Variants in ENTREP2 observed in about 807,000 individuals in gnomAD.
ENTREP2 encodes the protein protein ENTREP2.
At chr15:29,179,209 T>C in the ENTREP2 span, among the ~76,000 whole-genome samples, 1 of 152,226 alleles carries the variant, frequency 6.6e-6, no homozygotes, top group Non-Finnish European at 1.5e-5. Flanking sequence ...AAGTAAATAG[T>C]ATGAATATTC....
chr15:29,603,693 C>T, the ENTREP2 span, among the ~76,000 whole-genome samples: 1 of 152,124 alleles, frequency 6.6e-6, no homozygotes, highest in African/African-American at 2.4e-5. Context: ...GGCCAGAGTG[C>T]AATGGCATGA....
chr15:29,371,053 GTCA>G, the ENTREP2 span, among the ~76,000 whole-genome samples: 2 of 150,424 alleles, frequency 1.3e-5, no homozygotes, highest in African/African-American at 5.0e-5. Flanking sequence ...ATCATCATCT[GTCA>G]TCATCATCAT....
At chr15:29,147,200 A>C in the ENTREP2 span, among the ~76,000 whole-genome samples, 1 of 152,248 alleles carries the variant, frequency 6.6e-6, no homozygotes, top group African/African-American at 2.4e-5. Context: ...CAGTAATAAA[A>C]AGACAAATAA....
At chr15:29,370,062 C>G in the ENTREP2 span, among the ~76,000 whole-genome samples, 3 of 152,146 alleles carry the variant, frequency 2.0e-5, no homozygotes, top group Non-Finnish European at 2.9e-5. Flanking sequence ...ATTACCCAAT[C>G]TCAGATATTC....
At chr15:29,451,073 T>C in the ENTREP2 span, among the ~76,000 whole-genome samples, 1 of 152,010 alleles carries the variant, frequency 6.6e-6, no homozygotes, top group Non-Finnish European at 1.5e-5. Flanking sequence ...TTTACCTGTA[T>C]AACAAACCTG....
At chr15:29,635,477 G>T in the ENTREP2 span, among the ~76,000 whole-genome samples, 1 of 152,300 alleles carries the variant, frequency 6.6e-6, no homozygotes, top group Middle Eastern at 3.4e-3. Context: ...ACTGTAGGGC[G>T]GGATGTGCAC....
chr15:29,226,470 C>G, the ENTREP2 span, among the ~76,000 whole-genome samples: 1 of 152,234 alleles, frequency 6.6e-6, no homozygotes, highest in Non-Finnish European at 1.5e-5. Flanking sequence ...CTAAATTTCT[C>G]ATGAAGCCAA....
chr15:29,642,170 T>C, the ENTREP2 span, among the ~76,000 whole-genome samples: 7,037 of 152,096 alleles, frequency 0.046, 184 homozygotes, highest in South Asian at 0.065. Context: ...CCCAAAATAG[T>C]AAAAAAGAAA....
the ENTREP2 span, among the ~76,000 whole-genome samples, chr15:29,664,531 C>T: frequency 6.6e-6 from 1 of 151,826 alleles, no homozygotes; most frequent in Non-Finnish European, 1.5e-5. Flanking sequence ...ACTCGGAAGC[C>T]GCGTGTGGAA....
At chr15:29,625,561 A>C in the ENTREP2 span, among the ~76,000 whole-genome samples, 1 of 151,742 alleles carries the variant, frequency 6.6e-6, no homozygotes, top group African/African-American at 2.4e-5. Context: ...ACACCTGGCT[A>C]ATTTTTGTAT....
chr15:29,398,885 C>G, the ENTREP2 span, among the ~76,000 whole-genome samples: 103 of 152,198 alleles, frequency 6.8e-4, no homozygotes, highest in Non-Finnish European at 1.2e-3. Context: ...GATTAGGTTA[C>G]GCTGCCTGAC....
At chr15:29,445,134 T>G in the ENTREP2 span, among the ~76,000 whole-genome samples, 1 of 152,122 alleles carries the variant, frequency 6.6e-6, no homozygotes, top group African/African-American at 2.4e-5. Context: ...TATTAGGAGG[T>G]GGAGCTTTTG....
the ENTREP2 span, among the ~76,000 whole-genome samples, chr15:29,210,247 G>T: frequency 6.6e-6 from 1 of 152,210 alleles, no homozygotes; most frequent in African/African-American, 2.4e-5. Context: ...AGACAACTGG[G>T]GGCTACTCCT....
At chr15:29,461,473 C>T in the ENTREP2 span, among the ~76,000 whole-genome samples, 1 of 151,876 alleles carries the variant, frequency 6.6e-6, no homozygotes, top group Non-Finnish European at 1.5e-5. Flanking sequence ...CCATTTTCAC[C>T]AGTTTTTTAT....
At chr15:29,534,039 CAGAA>C in the ENTREP2 span, among the ~76,000 whole-genome samples, 3 of 137,658 alleles carry the variant, frequency 2.2e-5, no homozygotes, top group South Asian at 7.0e-4. Flanking sequence ...ATGTGACCCA[CAGAA>C]AGAGTGTCAT....
chr15:29,196,218 GGCAAAAAT>G, the ENTREP2 span, among the ~76,000 whole-genome samples: 1 of 152,058 alleles, frequency 6.6e-6, no homozygotes, highest in Non-Finnish European at 1.5e-5. Flanking sequence ...ACAATGAAAT[GGCAAAAAT>G]GCAAAGTGAG....
the ENTREP2 span, among the ~76,000 whole-genome samples, chr15:29,622,862 C>T: frequency 8.5e-5 from 13 of 152,306 alleles, no homozygotes; most frequent in East Asian, 2.5e-3. Context: ...ACGAGTCCTT[C>T]CAGATGGCAG....
the ENTREP2 span, among the ~76,000 whole-genome samples, chr15:29,450,215 G>C: frequency 6.6e-6 from 1 of 152,076 alleles, no homozygotes; most frequent in South Asian, 2.1e-4. Context: ...TTTCTCTATT[G>C]ATAGTTTCTT....
the ENTREP2 span, among the ~76,000 whole-genome samples, chr15:29,324,673 C>T: frequency 6.6e-6 from 1 of 152,196 alleles, no homozygotes; most frequent in African/African-American, 2.4e-5. Flanking sequence ...TACGAGCATC[C>T]ATAGTGATAT....
Sources: allele counts gnomAD v4.1 joint callset (sites outside exome capture counted in the v4.1 genomes callset), GRCh38; gene constraint gnomAD v4.1.1; transcripts MANE v1.5; gene names NCBI Gene and HGNC (gene_info 2026-07-23, HGNC 2026-07-21).